The following WDR7 variants were observed in gnomAD, a reference collection of about 807,000 sequenced individuals.
The protein encoded by WDR7 is WD repeat domain 7, also known as WD repeat-containing protein 7.
In WDR7, 46 loss-of-function variants were observed where a neutral mutation model predicts 169.4. That is an observed-to-expected ratio of 0.27 (90% CI 0.21 to 0.35). The LOEUF (loss-of-function observed/expected upper bound fraction) is 0.35, where lower values mean the gene tolerates loss of function less well. Among genes scored for constraint, WDR7 ranks in the 10% least tolerant of loss-of-function variants. The probability of loss-of-function intolerance (pLI) is 1.00; values close to 1 mark genes in which losing one functional copy is unlikely to be tolerated. For synonymous variants in WDR7, 612 were observed against 666.8 expected (o/e 0.92, Z 1.27); for missense variants, 1,534 against 1,859.3 (o/e 0.83, Z 3.22).
At position 56,797,739 on chromosome 18, in the gene WDR7, C is replaced by CT. The variant is rs201760540; in HGVS notation, c.3190+16087dup. 3.4e-4 allele frequency among the ~76,000 whole-genome samples: 51 copies of CT among 151,368 alleles called. No homozygotes were observed. In the East Asian group the frequency reaches 8.8e-3, roughly 26 times the overall value. ...CATCTTGTGGATTTATCAGAATACA[C>CT]TTTTATCTATCTATCTAAAAAATAA... On this transcript the variant is annotated intron_variant, in intron 19 of 27. Transcript: ENST00000254442.
At chr18:56,674,734 A>G (rs1455247122) in intron 2 of WDR7, among the ~76,000 whole-genome samples, 1 of 152,164 alleles carries the variant, frequency 6.6e-6, no homozygotes, top group Non-Finnish European at 1.5e-5. Flanking sequence ...TATCTAAGAA[A>G]CCGTTGCTAA....
At chr18:56,938,808 A>AGAGTGT (rs1555714418) in intron 24 of WDR7, 126 bp downstream of exon 24, 3 of 661,742 alleles carry the variant, frequency 4.5e-6, no homozygotes, top group Non-Finnish European at 7.2e-6. Context: ...AGAAAGAATG[A>AGAGTGT]GTGTGTGTGT....
intron 1 of WDR7, among the ~76,000 whole-genome samples, chr18:56,656,603 T>C (rs1172737253): frequency 6.7e-6 from 1 of 149,768 alleles, no homozygotes; most frequent in Non-Finnish European, 1.5e-5. Context: ...TTTTTAACTG[T>C]TCTGATGTGT....
At chr18:56,820,200 C>G (rs1289574486) in intron 20 of WDR7, among the ~76,000 whole-genome samples, 1 of 151,656 alleles carries the variant, frequency 6.6e-6, no homozygotes, top group Non-Finnish European at 1.5e-5. Flanking sequence ...GTTTCATTCA[C>G]AAACCTGCAT....
At chr18:56,797,250 T>C (rs2044599957) in intron 19 of WDR7, among the ~76,000 whole-genome samples, 1 of 152,170 alleles carries the variant, frequency 6.6e-6, no homozygotes, top group South Asian at 2.1e-4. Flanking sequence ...ATCTTGTGGA[T>C]GTAGAAGGGG....
chr18:56,786,742 A>G (rs962561389), intron 19 of WDR7, among the ~76,000 whole-genome samples: 1 of 152,012 alleles, frequency 6.6e-6, no homozygotes, highest in African/African-American at 2.4e-5. Flanking sequence ...ACTAATGGTA[A>G]TGGACTTAAA....
intron 20 of WDR7, among the ~76,000 whole-genome samples, chr18:56,840,002 T>C (rs771679276): frequency 6.6e-6 from 1 of 152,074 alleles, no homozygotes; most frequent in Non-Finnish European, 1.5e-5. Flanking sequence ...GCGGATGTTG[T>C]GGTGAGCCAA....
At chr18:56,894,223 C>T (rs1568252883) in intron 21 of WDR7, among the ~76,000 whole-genome samples, 1 of 152,030 alleles carries the variant, frequency 6.6e-6, no homozygotes, top group Non-Finnish European at 1.5e-5. Context: ...CCGTTTTTCC[C>T]TTCCAGCATA....
At chr18:56,737,152 A>T (rs1310945826) in intron 14 of WDR7, among the ~76,000 whole-genome samples, 1 of 152,086 alleles carries the variant, frequency 6.6e-6, no homozygotes, top group Non-Finnish European at 1.5e-5. Flanking sequence ...TAAGCAGTTC[A>T]GTGGATTAGG....
intron 26 of WDR7, among the ~76,000 whole-genome samples, chr18:56,976,732 G>A (rs770188892): frequency 6.6e-6 from 1 of 152,176 alleles, no homozygotes; most frequent in African/African-American, 2.4e-5. Context: ...CCTTTCTCTT[G>A]TCTTGTTGAC....
chr18:56,790,720 GCTAT>G (rs1032466027), intron 19 of WDR7, among the ~76,000 whole-genome samples: 1 of 151,574 alleles, frequency 6.6e-6, no homozygotes, highest in African/African-American at 2.4e-5. Flanking sequence ...TATTACATCT[GCTAT>G]CTGTTTTTAT....
At chr18:56,701,705 T>C (rs965043499) in intron 12 of WDR7, among the ~76,000 whole-genome samples, 1 of 152,204 alleles carries the variant, frequency 6.6e-6, no homozygotes, top group African/African-American at 2.4e-5. Flanking sequence ...TTTTCATCTG[T>C]ACTTGGACTG....
At chr18:56,945,714 C>T (rs886975194) in intron 25 of WDR7, among the ~76,000 whole-genome samples, 2 of 152,150 alleles carry the variant, frequency 1.3e-5, no homozygotes, top group African/African-American at 4.8e-5. Flanking sequence ...TTCTAGGATC[C>T]ACATGACAGC....
At position 57,029,265 on chromosome 18, in the gene WDR7, T is replaced by C. The variant is rs189386937; in HGVS notation, c.*2058T>C. 3.9e-5 allele frequency: 6 copies of C among 152,296 alleles called. No individual in the cohort carries two copies. Among genetic ancestry groups the C allele is most frequent in the Admixed American group, 3.9e-4 (6 of 15,304 alleles). The allele number at this position is 152,296 out of a possible 1,614,324, so 9.4% of individuals were successfully genotyped here. On this transcript the variant is annotated 3_prime_UTR_variant, in exon 28 of 28. Coordinates refer to ENST00000254442, the MANE Select transcript of WDR7 (RefSeq NM_015285.3). ...AGGGGGCCCAGAGGAGCAATAGCCC[T>C]GGGCCACAAGCGTGGGTAGGCCTTT...
At chr18:57,009,454 A>G (rs2145911315) in intron 26 of WDR7, among the ~76,000 whole-genome samples, 1 of 152,316 alleles carries the variant, frequency 6.6e-6, no homozygotes. Context: ...ATAACTTGGT[A>G]TTTCTTAACA....
At chr18:56,981,579 G>A (rs1428274641) in intron 26 of WDR7, among the ~76,000 whole-genome samples, 2 of 152,212 alleles carry the variant, frequency 1.3e-5, no homozygotes, top group Non-Finnish European at 2.9e-5. Flanking sequence ...CAATGGGAGA[G>A]TGGATGGTTT....
At chr18:56,927,431 A>AC (rs957045127) in intron 22 of WDR7, among the ~76,000 whole-genome samples, 8 of 151,188 alleles carry the variant, frequency 5.3e-5, no homozygotes, top group Non-Finnish European at 7.4e-5. Context: ...AAACAGGAAG[A>AC]CCCCCCCATC....
In WDR7 at chr18:56,939,411, A is replaced by G; in HGVS notation, c.4064+18A>G. ...ATCTGCAGGTAAAGAAGCCTTCAAG[A>G]GCATGCAGAATAAATAATTTTCAGT... is the stretch of plus-strand genomic sequence containing the variant. On this transcript the variant is annotated intron_variant, in intron 25 of 27. Coordinates refer to ENST00000254442, the MANE Select transcript of WDR7 (RefSeq NM_015285.3). 6.6e-7 allele frequency: 1 copy of G among 1,525,900 alleles called. No individual in the cohort carries two copies. The highest frequency in any genetic ancestry group is 8.8e-7 in the Non-Finnish European group (1 of 1,133,374). The allele number at this position is 1,525,900 out of a possible 1,614,324, so 94.5% of individuals were successfully genotyped here. A position where few individuals can be genotyped will look rare whatever the true frequency, so the allele number is the denominator to read the frequency against.
chr18:56,899,166 A>G (rs1175175590), intron 21 of WDR7, among the ~76,000 whole-genome samples: 1 of 152,056 alleles, frequency 6.6e-6, no homozygotes, highest in African/African-American at 2.4e-5. Flanking sequence ...CATGGGTAGA[A>G]AGTTTGGTAC....
Sources: gnomAD v4.1 joint callset for allele counts (sites outside exome capture counted in the v4.1 genomes callset) on GRCh38, gnomAD v4.1.1 for gene constraint, MANE v1.5 for transcripts, NCBI Gene and HGNC (gene_info 2026-07-23, HGNC 2026-07-21) for gene names.